Variants in YTHDF1 observed in about 807,000 individuals in gnomAD.
YTHDF1 encodes the protein YTH domain-containing family protein 1.
A neutral mutation model predicts 49.1 loss-of-function variants in YTHDF1; 16 were observed. The ratio of observed to expected loss-of-function variants is 0.33; its 90% CI spans 0.22 to 0.49. The LOEUF is 0.49. Among genes scored for constraint, YTHDF1 ranks in the 20% least tolerant of loss-of-function variants. YTHDF1 has a pLI of 0.99. For missense variants in YTHDF1, 621 were observed against 744.3 expected (o/e 0.83, Z 1.93); for synonymous variants, 313 against 290.1 (o/e 1.08, Z -0.80).
intron 3 of YTHDF1, among the ~76,000 whole-genome samples, chr20:63,210,102 G>A (rs747670142): frequency 3.2e-4 from 48 of 152,314 alleles, no homozygotes; most frequent in Non-Finnish European, 6.2e-4. Flanking sequence ...CAGCACCACA[G>A]ACACGAGTAA....
intron 3 of YTHDF1, among the ~76,000 whole-genome samples, chr20:63,205,034 A>G (rs532754401): frequency 4.6e-5 from 7 of 152,116 alleles, no homozygotes; most frequent in Non-Finnish European, 7.4e-5. Flanking sequence ...GAAGTAAAAC[A>G]CGGGGCTCTC....
rs566680876 is a variant in YTHDF1 at position 63,202,912 on chromosome 20, C to A, written c.1028G>T (p.Gly343Val). ...NRNAAFGQSG[G>V]AGSDSNSPGN... The stretch of plus-strand genomic sequence containing the variant: ...AGGAGAGTTGCTATCGCTGCCAGCC[C>A]CTCCGCTCTGCCCAAACGCCGCGTT... The change falls in exon 4 of 5, where the codon GGG (glycine) becomes GTG (valine). Residue 343 changes from glycine to valine, a missense_variant. Coordinates refer to ENST00000370339, the MANE Select transcript of YTHDF1 (RefSeq NM_017798.4). 2 of 1,614,052 alleles carry A rather than the reference C, an allele frequency of 1.2e-6. No homozygotes were observed. The highest frequency in any genetic ancestry group is 2.7e-5 in the African/African-American group (2 of 75,074).
chr20:63,202,385 C>T lies in YTHDF1; in HGVS notation c.1555G>A (p.Val519Met), dbSNP rs1396864852. 8.1e-6 allele frequency: 13 copies of T among 1,614,174 alleles called. No homozygotes were observed. Among genetic ancestry groups the T allele is most frequent in the Non-Finnish European group, 9.3e-6 (11 of 1,180,068 alleles). ...QEVPLEKAKQVLKIISSYKHT... is the reference protein window; with the variant it reads ...QEVPLEKAKQMLKIISSYKHT... ...TTGTAGGAACTGATAATTTTCAGCACTTGCTTGGCTTTTTCTAAGGGCACC... is the reference window on the plus strand; with the variant it reads ...TTGTAGGAACTGATAATTTTCAGCATTTGCTTGGCTTTTTCTAAGGGCACC... Residue 519 changes from valine (V) to methionine (M), a missense_variant, in exon 4 of 5, where the codon GTG becomes ATG. Physicochemically the swap from Val to Met is conservative, Grantham distance 21 (BLOSUM62 1). Around this residue, in one of 2 missense-constraint regions of YTHDF1, gnomAD observed 151 missense variants for 248.5 expected, o/e 0.61. Coordinates refer to ENST00000370339, the MANE Select transcript of YTHDF1 (RefSeq NM_017798.4).
rs762484772 is a variant in YTHDF1, at chr20:63,203,182, C to T, written c.758G>A (p.Gly253Glu). 1.2e-6 allele frequency: 2 copies of T among 1,613,756 alleles called. No homozygotes were observed. Among genetic ancestry groups the T allele is most frequent in the African/African-American group, 2.7e-5 (2 of 74,914 alleles). Reference sequence around the variant, plus strand: ...GGGCAGCCCACCCCCCATGACAGGCCCGCTCTTTGTTTTCATTTTAGGCTG... The same window carrying T: ...GGGCAGCCCACCCCCCATGACAGGCTCGCTCTTTGTTTTCATTTTAGGCTG... ...KPQPKMKTKS[G>E]PVMGGGLPPP... is the part of the protein sequence containing the mutation. Residue 253 changes from glycine (G) to glutamate (E), a missense_variant, in exon 4 of 5, where the codon GGG becomes GAG. Physicochemically the swap from Gly to Glu is moderately conservative, Grantham distance 98. This residue lies in a region of YTHDF1 where 470 missense variants were observed against 495.8 expected (regional missense o/e 0.95). Coordinates refer to ENST00000370339, the MANE Select transcript of YTHDF1 (RefSeq NM_017798.4). The surrounding 1 kb of genome is among the most constrained non-coding windows in gnomAD (Gnocchi z 4.4).
intron 2 of YTHDF1, 102 bp downstream of exon 2, chr20:63,215,475 G>A (rs1207846602): frequency 4.6e-6 from 7 of 1,508,660 alleles, no homozygotes; most frequent in Admixed American, 1.7e-5. Flanking sequence ...TGAAGCTGGC[G>A]GAAGAGAGAA....
chr20:63,196,786 C>T, intron 4 of YTHDF1, 52 bp from the exon 5 acceptor site: 1 of 1,610,572 alleles, frequency 6.2e-7, no homozygotes, highest in Non-Finnish European at 8.5e-7. Context: ...ACCAATGAAT[C>T]CCTCCCAAAA....
chr20:63,196,984 C>T (rs1314533782), intron 4 of YTHDF1, among the ~76,000 whole-genome samples: 1 of 152,212 alleles, frequency 6.6e-6, no homozygotes, highest in Admixed American at 6.5e-5. Flanking sequence ...ACAACGGTCA[C>T]ATGGGCCACC....
In YTHDF1 at chr20:63,213,952, A is replaced by G. The variant is rs939278892; in HGVS notation, c.53-9T>C. 14 of 1,569,872 alleles carry G rather than the reference A, an allele frequency of 8.9e-6. No homozygotes were observed. Among genetic ancestry groups the G allele is most frequent in the Admixed American group, 2.2e-5 (1 of 44,666 alleles). ...TAACGAACCATTTTGTACTAGAACA[A>G]AAAGTTGCAAAATATTACCCTCAAA... On this transcript the variant is annotated splice_polypyrimidine_tract_variant and intron_variant, in intron 2 of 4. Transcript: ENST00000370339.
At position 63,203,378 on chromosome 20, in the gene YTHDF1, C is replaced by T. The variant is rs1427951035; in HGVS notation, c.562G>A (p.Val188Ile). The T allele has an allele frequency of 7.4e-6, 12 of 1,613,254 alleles. No individual in the cohort carries two copies. Among genetic ancestry groups the T allele is most frequent in the Non-Finnish European group, 9.3e-6 (11 of 1,179,848 alleles). ...PGMNSLEQGM[V>I]GLKIGDVSSS... is the part of the protein sequence containing the mutation. Reference sequence around the variant, plus strand: ...CTGACGTCCCCAATCTTCAGGCCAACCATGCCCTGCTCCAGGCTGTTCATC... The same window carrying T: ...CTGACGTCCCCAATCTTCAGGCCAATCATGCCCTGCTCCAGGCTGTTCATC... Residue 188 changes from valine to isoleucine, a missense_variant, in exon 4 of 5, where the codon GTT (valine) becomes ATT (isoleucine). Val to Ile is a conservative substitution (Grantham distance 29). Coordinates refer to ENST00000370339, the MANE Select transcript of YTHDF1 (RefSeq NM_017798.4). This position sits in a 1 kb window ranked among gnomAD's most constrained non-coding sequence, Gnocchi z 4.4.
In YTHDF1 at chr20:63,202,283, T is replaced by G; in HGVS notation, c.1653+4A>C. The G allele has an allele frequency of 2.5e-6, 4 of 1,609,500 alleles. No homozygotes were observed. In the Middle Eastern group the frequency reaches 5.0e-4, roughly 202 times the overall value. On this transcript the variant is annotated splice_donor_region_variant and intron_variant, in intron 4 of 4. Transcript: ENST00000370339. ...TGGCAGTTGCCTGCAACACCCAGCCTCACCTTGCGCACCACCTCCTCCTCC... is the reference window on the plus strand; with the variant it reads ...TGGCAGTTGCCTGCAACACCCAGCCGCACCTTGCGCACCACCTCCTCCTCC...
rs911387070 is a variant in YTHDF1, at chr20:63,216,113, TGGCGGC to T, written c.-227_-222del. ...CGCACTGAGGAGGCGTCGACTCCAA[TGGCGGC>T]GGCGGCGGCGACAGCAGCGGCGACG... On this transcript the variant is annotated 5_prime_UTR_variant, in exon 1 of 5. Transcript: ENST00000370339. The T allele has an allele frequency of 9.6e-5, 17 of 176,930 alleles. No homozygotes were observed. Among genetic ancestry groups the T allele is most frequent in the African/African-American group, 3.4e-4 (14 of 41,034 alleles). 11.0% of individuals were successfully genotyped at this position (176,930 alleles called of 1,614,324 possible).
chr20:63,206,788 A>C (rs1370249578), intron 3 of YTHDF1, among the ~76,000 whole-genome samples: 3 of 152,244 alleles, frequency 2.0e-5, no homozygotes, highest in Non-Finnish European at 4.4e-5. Context: ...GAAGGTAAAG[A>C]AGCAGGTTAA....
Position 63,216,038 on chromosome 20 carries a change from GC to G in YTHDF1, c.-147del. On this transcript the variant is annotated 5_prime_UTR_variant, in exon 1 of 5. Transcript: ENST00000370339. ...GCCGGGCGGCGGCGGCGGCTGCTGG[GC>G]GCGCGGGCCCCTGGCGAGGCGGCAG... is the stretch of plus-strand genomic sequence containing the variant. The G allele has an allele frequency of 1.6e-6, 1 of 615,718 alleles. No individual in the cohort carries two copies. The highest frequency in any genetic ancestry group is 2.0e-6 in the Non-Finnish European group (1 of 493,280). 38.1% of individuals were successfully genotyped at this position (615,718 alleles called of 1,614,324 possible).
intron 3 of YTHDF1, among the ~76,000 whole-genome samples, chr20:63,213,005 G>A (rs564013809): frequency 3.9e-5 from 6 of 152,320 alleles, no homozygotes; most frequent in African/African-American, 9.6e-5. Flanking sequence ...CTGTCTCAGC[G>A]CTTTATGTGC....
At chr20:63,214,973 A>C (rs1290326951) in intron 2 of YTHDF1, among the ~76,000 whole-genome samples, 1 of 152,218 alleles carries the variant, frequency 6.6e-6, no homozygotes, top group Non-Finnish European at 1.5e-5. Flanking sequence ...AGCCAGAAAA[A>C]GCAAGCAAAG....
intron 4 of YTHDF1, among the ~76,000 whole-genome samples, chr20:63,196,949 C>G (rs2066495329): frequency 6.6e-6 from 1 of 152,192 alleles, no homozygotes; most frequent in African/African-American, 2.4e-5. Flanking sequence ...TCCCCACCCC[C>G]TCTACCAGGA....
intron 3 of YTHDF1, among the ~76,000 whole-genome samples, chr20:63,204,529 T>C (rs1259233030): frequency 2.0e-5 from 3 of 152,214 alleles, no homozygotes; most frequent in Non-Finnish European, 4.4e-5. Flanking sequence ...CAGAGGGCCC[T>C]GGCTGGCTCC....
At chr20:63,212,929 G>C (rs534890753) in intron 3 of YTHDF1, among the ~76,000 whole-genome samples, 1 of 152,372 alleles carries the variant, frequency 6.6e-6, no homozygotes, top group Non-Finnish European at 1.5e-5. Flanking sequence ...TGCCAAGGCA[G>C]AGAAAGCCTG....
intron 2 of YTHDF1, among the ~76,000 whole-genome samples, chr20:63,214,640 G>C (rs529513592): frequency 6.6e-6 from 1 of 152,284 alleles, no homozygotes. Flanking sequence ...CCAGGTCATA[G>C]GTAGATAAGA....
Sources: allele counts gnomAD v4.1 joint callset (sites outside exome capture counted in the v4.1 genomes callset), GRCh38; gene constraint gnomAD v4.1.1; regional missense constraint gnomAD v4.1.1; non-coding constraint Gnocchi (gnomAD v3.1); transcripts MANE v1.5; gene names NCBI Gene and HGNC (gene_info 2026-07-23, HGNC 2026-07-21).